The following ADH1B variants were observed in gnomAD, a reference collection of about 807,000 sequenced individuals.
ADH1B encodes all-trans-retinol dehydrogenase [NAD(+)] ADH1B.
Under a neutral mutation model 34.6 loss-of-function variants are expected in ADH1B, and 29 were observed. That is an observed-to-expected ratio of 0.84 (90% CI 0.62 to 1.14). ADH1B has a LOEUF of 1.14. Ranked by LOEUF, ADH1B falls within the 50% of genes most tolerant of loss-of-function variation. ADH1B has a pLI of 0.00. For missense variants in ADH1B, 424 were observed against 468.4 expected, an observed-to-expected ratio of 0.91 and a Z score of 0.87; for synonymous variants, 170 against 175.5, an observed-to-expected ratio of 0.97 and a Z score of 0.25.
chr4:99,311,273 T>C (rs1210643381), intron 7 of ADH1B, among the ~76,000 whole-genome samples: 2 of 152,158 alleles, frequency 1.3e-5, no homozygotes, highest in Non-Finnish European at 2.9e-5. Flanking sequence ...CAAAAACAGA[T>C]GGAGATTAAA....
At chr4:99,314,188 T>C (rs1733823933) in intron 5 of ADH1B, 107 bp from the exon 6 acceptor site, 1 of 1,507,522 alleles carries the variant, frequency 6.6e-7, no homozygotes, top group East Asian at 2.3e-5. Flanking sequence ...ACTCAGACTC[T>C]TTTGTCCAAC....
Position 99,307,587 on chromosome 4 carries a change from T to C in ADH1B, c.*253A>G. The C allele has an allele frequency of 1.1e-5, 6 of 527,342 alleles. No individual in the cohort carries two copies. The highest frequency in any genetic ancestry group is 1.1e-4 in the South Asian group (5 of 45,524). 32.7% of individuals were successfully genotyped at this position (527,342 alleles called of 1,614,324 possible). A position where few individuals can be genotyped will look rare whatever the true frequency, so the allele number is the denominator to read the frequency against. On this transcript the variant is annotated 3_prime_UTR_variant, in exon 9 of 9. Transcript: ENST00000305046. ...CAATGGCAAAGGTGACACAGTAGAA[T>C]GGTTAAGAAGGAAGGTTTGTTGGCT...
intron 1 of ADH1B, chr4:99,320,692 TG>T: frequency 1.8e-6 from 1 of 568,340 alleles, no homozygotes; most frequent in Non-Finnish European, 2.3e-6. Flanking sequence ...AACTTTTAAA[TG>T]GGGAAGATAC....
chr4:99,314,402 G>A (rs1733828012), intron 5 of ADH1B: 1 of 328,274 alleles, frequency 3.0e-6, no homozygotes. Context: ...CAATGGGAAG[G>A]TCAGGCTGGG....
chr4:99,311,717 G>A, intron 6 of ADH1B, 61 bp from the exon 7 acceptor site: 1 of 1,591,156 alleles, frequency 6.3e-7, no homozygotes, highest in Non-Finnish European at 8.6e-7. Flanking sequence ...TACTCATAAT[G>A]CACAATATCA....
chr4:99,321,270 A>G, intron 1 of ADH1B, 44 bp downstream of exon 1: 1 of 1,518,026 alleles, frequency 6.6e-7, no homozygotes, highest in Middle Eastern at 1.7e-4. Flanking sequence ...TCTTTGTTAT[A>G]TTGATGAGAA....
chr4:99,316,299 T>C lies in ADH1B; in HGVS notation c.263A>G (p.Asp88Gly). 6.2e-7 allele frequency: 1 copy of C among 1,613,570 alleles called. No individual in the cohort carries two copies. The highest frequency in any genetic ancestry group is 8.5e-7 in the Non-Finnish European group (1 of 1,179,882). Residue 88 changes from aspartate (D) to glycine (G), a missense_variant, in exon 4 of 9, where the codon GAT (aspartate) becomes GGT (glycine). By Grantham distance (94) the Asp-to-Gly change is moderately conservative. Coordinates refer to ENST00000305046, the MANE Select transcript of ADH1B (RefSeq NM_000668.6). ...AGGAGTAAAGAGCGGGATGACTTTA[T>C]CACCTGGAGAGGAATAAAACAAGTT... Reference protein sequence around the residue: ...GEGVTTVKPGDKVIPLFTPQC... With the variant: ...GEGVTTVKPGGKVIPLFTPQC...
chr4:99,308,593 AG>A, intron 8 of ADH1B, among the ~76,000 whole-genome samples: 1 of 152,164 alleles, frequency 6.6e-6, no homozygotes, highest in Admixed American at 6.6e-5. Context: ...CATTTACACT[AG>A]AACTAATGCC....
Position 99,315,745 on chromosome 4 carries a change from C to T in ADH1B, c.567+153G>A, listed in dbSNP as rs999758630. The T allele has an allele frequency of 3.6e-5, 30 of 839,640 alleles. No homozygotes were observed. In the African/African-American group the frequency reaches 4.3e-4, roughly 12 times the overall value. The allele number at this position is 839,640 out of a possible 1,614,324, so 52.0% of individuals were successfully genotyped here. On this transcript the variant is annotated intron_variant, in intron 5 of 8. Coordinates refer to ENST00000305046, the MANE Select transcript of ADH1B (RefSeq NM_000668.6). ...TGCAATAAATTGGTGAAATTTCTAG[C>T]ATGTGTACTCAATTCTTTCTGGGCC...
chr4:99,314,194 C>T, intron 5 of ADH1B, 113 bp from the exon 6 acceptor site: 1 of 1,495,410 alleles, frequency 6.7e-7, no homozygotes, highest in African/African-American at 1.4e-5. Context: ...ACTCTTTTGT[C>T]CAACCGTTTA....
intron 8 of ADH1B, chr4:99,310,223 T>A (rs1733716073): frequency 3.8e-6 from 1 of 266,534 alleles, no homozygotes; most frequent in Non-Finnish European, 7.3e-6. Flanking sequence ...TCTTTTATGA[T>A]AACTTTCAGT....
At position 99,306,137 on chromosome 4, in the gene ADH1B, C is replaced by T. The variant is rs1272164564; in HGVS notation, c.*1703G>A. Reference sequence around the variant, plus strand: ...TCTCTTGCCTCAGCCTCCTGAGTAGCTGGGATTACAGCCACCTGCCACCAT... The same window carrying T: ...TCTCTTGCCTCAGCCTCCTGAGTAGTTGGGATTACAGCCACCTGCCACCAT... On this transcript the variant is annotated 3_prime_UTR_variant, in exon 9 of 9. Coordinates refer to ENST00000305046, the MANE Select transcript of ADH1B (RefSeq NM_000668.6). 1.3e-5 allele frequency: 2 copies of T among 152,228 alleles called. No individual in the cohort carries two copies. The highest frequency in any genetic ancestry group is 4.8e-5 in the African/African-American group (2 of 41,414). The allele number at this position is 152,228 out of a possible 1,614,324, so 9.4% of individuals were successfully genotyped here.
Position 99,307,718 on chromosome 4 carries a change from A to G in ADH1B, c.*122T>C. 21 of 1,155,790 alleles carry G rather than the reference A, an allele frequency of 1.8e-5. No individual in the cohort carries two copies. Among genetic ancestry groups the G allele is most frequent in the South Asian group, 6.9e-5 (5 of 72,642 alleles). The allele number at this position is 1,155,790 out of a possible 1,614,324, so 71.6% of individuals were successfully genotyped here. On this transcript the variant is annotated 3_prime_UTR_variant, in exon 9 of 9. Coordinates refer to ENST00000305046, the MANE Select transcript of ADH1B (RefSeq NM_000668.6). Reference sequence around the variant, plus strand: ...ATTTCCATTTCTTTGGAAAGCCCCCATGTGTAATTTATTGATAACATCTCT... The same window carrying G: ...ATTTCCATTTCTTTGGAAAGCCCCCGTGTGTAATTTATTGATAACATCTCT...
chr4:99,313,701 G>A (rs1392582579), intron 6 of ADH1B, 120 bp downstream of exon 6: 16 of 1,546,300 alleles, frequency 1.0e-5, no homozygotes, highest in Non-Finnish European at 1.3e-5. Flanking sequence ...ACAAACAGAT[G>A]ATGGGAAATT....
Position 99,307,419 on chromosome 4 carries a change from T to C in ADH1B, c.*421A>G, listed in dbSNP as rs530584711. The stretch of plus-strand genomic sequence containing the variant: ...AAAGGAAAATGTCGACAGTGAAAAC[T>C]GAGACAGAGTTAGAAGACTTCAATC... On this transcript the variant is annotated 3_prime_UTR_variant, in exon 9 of 9. Coordinates refer to ENST00000305046, the MANE Select transcript of ADH1B (RefSeq NM_000668.6). The C allele has an allele frequency of 5.3e-6, 1 of 189,428 alleles. No individual in the cohort carries two copies. Among genetic ancestry groups the C allele is most frequent in the East Asian group, 1.8e-4 (1 of 5,638 alleles). 11.7% of individuals were successfully genotyped at this position (189,428 alleles called of 1,614,324 possible).
intron 8 of ADH1B, among the ~76,000 whole-genome samples, chr4:99,308,541 T>C (rs1426682176): frequency 6.6e-6 from 1 of 151,998 alleles, no homozygotes; most frequent in Non-Finnish European, 1.5e-5. Context: ...TGATTTGTAT[T>C]AATTCTAAGA....
intron 3 of ADH1B, 98 bp downstream of exon 3, chr4:99,317,948 T>C (rs1291024371): frequency 6.4e-7 from 1 of 1,557,874 alleles, no homozygotes; most frequent in African/African-American, 1.4e-5. Flanking sequence ...GGTGACCTTG[T>C]GCAAGCACTT....
At chr4:99,318,259 A>T in intron 2 of ADH1B, 75 bp from the exon 3 acceptor site, 2 of 1,576,334 alleles carry the variant, frequency 1.3e-6, no homozygotes, top group African/African-American at 1.4e-5. Context: ...CAAATTCCTG[A>T]AATTGTGTTT....
At position 99,321,301 on chromosome 4, in the gene ADH1B, AT is replaced by A; in HGVS notation, c.18+12del. On this transcript the variant is annotated intron_variant, in intron 1 of 8. Coordinates refer to ENST00000305046, the MANE Select transcript of ADH1B (RefSeq NM_000668.6). The stretch of plus-strand genomic sequence containing the variant: ...GAGAATATATTACCAACAGTAATAT[AT>A]TTTTTGCTTACTTTTCCTGCTGTGC... The A allele has an allele frequency of 6.2e-7, 1 of 1,606,616 alleles. No homozygotes were observed. Among genetic ancestry groups the A allele is most frequent in the Non-Finnish European group, 8.5e-7 (1 of 1,174,078 alleles).
Sources: allele counts gnomAD v4.1 joint callset (sites outside exome capture counted in the v4.1 genomes callset), GRCh38; gene constraint gnomAD v4.1.1; transcripts MANE v1.5; gene names NCBI Gene and HGNC (gene_info 2026-07-23, HGNC 2026-07-21).